The following CNTLN variants were observed in gnomAD, a reference collection of about 807,000 sequenced individuals.
The protein encoded by CNTLN is centlein, also known as centlein, centrosomal protein.
CNTLN carries 212 observed loss-of-function variants against 180.0 expected under a neutral mutation model. The ratio of observed to expected loss-of-function variants is 1.18; its 90% CI spans 1.05 to 1.32. The LOEUF is 1.32. Ranked by LOEUF, CNTLN falls within the 40% of genes most tolerant of loss-of-function variation. The pLI is 0.00. For synonymous variants in CNTLN, 722 were observed against 563.1 expected, an observed-to-expected ratio of 1.28 and a Z score of -3.99; for missense variants, 2,095 against 1,610.9, an observed-to-expected ratio of 1.30 and a Z score of -5.14.
intron 6 of CNTLN, among the ~76,000 whole-genome samples, chr9:17,297,854 C>A (rs1818058143): frequency 6.6e-6 from 1 of 152,140 alleles, no homozygotes; most frequent in Admixed American, 6.5e-5. Context: ...TGTCTAATAA[C>A]TATAGCTGAT....
At chr9:17,232,019 A>C (rs1365124949) in intron 3 of CNTLN, among the ~76,000 whole-genome samples, 1 of 152,046 alleles carries the variant, frequency 6.6e-6, no homozygotes, top group African/African-American at 2.4e-5. Flanking sequence ...ATATTAACTC[A>C]AGCCAGGCTA....
intron 1 of CNTLN, among the ~76,000 whole-genome samples, chr9:17,138,216 G>A (rs1817851224): frequency 1.3e-5 from 2 of 152,088 alleles, no homozygotes; most frequent in South Asian, 2.1e-4. Context: ...ATGTGTATTT[G>A]TACATTTATC....
At chr9:17,141,207 G>A (rs568624147) in intron 1 of CNTLN, among the ~76,000 whole-genome samples, 2 of 152,204 alleles carry the variant, frequency 1.3e-5, no homozygotes, top group Admixed American at 6.5e-5. Context: ...AATGGATGAC[G>A]GAGACAGAAA....
At chr9:17,505,842 G>A (rs979902948), downstream of CNTLN, among the ~76,000 whole-genome samples, 15 of 152,122 alleles carry the variant, frequency 9.9e-5, no homozygotes, top group African/African-American at 3.6e-4. Flanking sequence ...GAGCATAATA[G>A]TGGGAGACAT....
chr9:17,490,783 G>T (rs1172313161), intron 25 of CNTLN, among the ~76,000 whole-genome samples: 2 of 151,334 alleles, frequency 1.3e-5, no homozygotes, highest in Admixed American at 1.3e-4. Flanking sequence ...ATTACAAAAA[G>T]AAAAAAAAGA....
At chr9:17,430,947 C>T (rs899217885) in intron 18 of CNTLN, among the ~76,000 whole-genome samples, 1 of 152,094 alleles carries the variant, frequency 6.6e-6, no homozygotes, top group Non-Finnish European at 1.5e-5. Context: ...TTTATCCATT[C>T]ATCTGTTGTT....
intron 18 of CNTLN, among the ~76,000 whole-genome samples, chr9:17,432,392 A>G (rs1274636958): frequency 1.3e-5 from 2 of 152,202 alleles, no homozygotes; most frequent in East Asian, 1.9e-4. Context: ...CTGTAATTAC[A>G]TACAGGAGAA....
chr9:17,343,470 A>G (rs1821638332), intron 12 of CNTLN, among the ~76,000 whole-genome samples: 1 of 152,156 alleles, frequency 6.6e-6, no homozygotes, highest in Admixed American at 6.5e-5. Context: ...AGCCTTTTCC[A>G]TGTAATGATA....
chr9:17,192,569 G>C (rs1054261596), intron 2 of CNTLN, among the ~76,000 whole-genome samples: 10 of 152,138 alleles, frequency 6.6e-5, no homozygotes, highest in African/African-American at 2.4e-4. Flanking sequence ...TCATTTAACA[G>C]ATGAAGGAAC....
chr9:17,284,248 G>T (rs1439553839), intron 6 of CNTLN, among the ~76,000 whole-genome samples: 2 of 152,030 alleles, frequency 1.3e-5, no homozygotes, highest in Non-Finnish European at 2.9e-5. Flanking sequence ...TTTTCTCAGG[G>T]TTTGGTATCA....
chr9:17,290,127 C>T (rs1478600595), intron 6 of CNTLN, among the ~76,000 whole-genome samples: 1 of 152,090 alleles, frequency 6.6e-6, no homozygotes, highest in African/African-American at 2.4e-5. Flanking sequence ...GTTTTTTCCC[C>T]ATCTTTGTGG....
chr9:17,287,562 G>C (rs1227539084), intron 6 of CNTLN, among the ~76,000 whole-genome samples: 2 of 149,990 alleles, frequency 1.3e-5, no homozygotes, highest in Non-Finnish European at 3.0e-5. Context: ...CTATTGATTG[G>C]AATAGTTTCA....
In CNTLN at chr9:17,456,580, C is replaced by A. The variant is rs531310811; in HGVS notation, c.3115-944C>A. On this transcript the variant is annotated intron_variant, in intron 18 of 25. Coordinates refer to ENST00000380647, the MANE Select transcript of CNTLN (RefSeq NM_017738.4). ...CTTAAGTAACATGTTTCATGTTTAT[C>A]TTACTGTACACTTTAGCTACATCTT... 6.6e-5 allele frequency among the ~76,000 whole-genome samples: 10 copies of A among 152,120 alleles called. No individual in the cohort carries two copies. The South Asian group carries it at 1.9e-3, about 28-fold the overall frequency.
intron 23 of CNTLN, among the ~76,000 whole-genome samples, chr9:17,483,334 T>TAC (rs1564143271): frequency 1.7e-3 from 1 of 598 alleles, no homozygotes; most frequent in Non-Finnish European, 0.062. Flanking sequence ...AAACAGATAC[T>TAC]TTTTATACAT....
rs181362066 is a variant in CNTLN, at chr9:17,305,699, C to T, written c.1147-3359C>T. On this transcript the variant is annotated intron_variant, in intron 7 of 25. Transcript: ENST00000380647. ...CTTTAGAAATAAAGCTAGATTTAAC[C>T]TTGTTGAAGGCTGTTTTAACCAAGT... 9.2e-5 allele frequency among the ~76,000 whole-genome samples: 14 copies of T among 152,170 alleles called. No homozygotes were observed. In the East Asian group the frequency reaches 2.1e-3, roughly 23 times the overall value.
At chr9:17,448,636 C>T (rs1815749271) in intron 18 of CNTLN, 1 of 152,170 alleles carries the variant, frequency 6.6e-6, no homozygotes. Flanking sequence ...TACTTAGATA[C>T]AGATAATGCT....
At chr9:17,150,630 C>T (rs147776608) in intron 2 of CNTLN, among the ~76,000 whole-genome samples, 2,198 of 152,236 alleles carry the variant, frequency 0.014, 58 homozygotes, top group African/African-American at 0.051. Flanking sequence ...CTTGGCTATG[C>T]GGGCTCTTTT....
At chr9:17,474,973 C>T (rs1266208275) in intron 23 of CNTLN, among the ~76,000 whole-genome samples, 1 of 152,060 alleles carries the variant, frequency 6.6e-6, no homozygotes, top group South Asian at 2.1e-4. Flanking sequence ...CCATGAAGGA[C>T]TCCATGATTA....
chr9:17,380,245 G>A (rs981723121), intron 13 of CNTLN, among the ~76,000 whole-genome samples: 1 of 152,096 alleles, frequency 6.6e-6, no homozygotes, highest in African/African-American at 2.4e-5. Flanking sequence ...ATTGGGGGAG[G>A]GTATGGGAGG....
Sources: gnomAD v4.1 joint callset for allele counts (sites outside exome capture counted in the v4.1 genomes callset) on GRCh38, gnomAD v4.1.1 for gene constraint, MANE v1.5 for transcripts, NCBI Gene and HGNC (gene_info 2026-07-23, HGNC 2026-07-21) for gene names.